Variants in MACC1 observed in about 807,000 individuals in gnomAD.
MACC1 encodes MET transcriptional regulator MACC1, also known as metastasis-associated in colon cancer protein 1.
Under a neutral mutation model 70.7 loss-of-function variants are expected in MACC1, and 79 were observed. The observed-to-expected ratio is 1.12, with a 90% confidence interval of 0.93 to 1.35. The LOEUF (loss-of-function observed/expected upper bound fraction) is 1.35. MACC1 is among the 40% of genes most tolerant of loss of function. The probability of loss-of-function intolerance (pLI) is 0.00; values close to 1 mark genes in which losing one functional copy is unlikely to be tolerated. For missense variants in MACC1, 1,106 were observed against 978.1 expected, an observed-to-expected ratio of 1.13 and a Z score of -1.74; for synonymous variants, 361 against 347.2, an observed-to-expected ratio of 1.04 and a Z score of -0.44.
At chr7:20,184,953 G>A (rs899222090) in intron 1 of MACC1, 2 of 152,008 alleles carry the variant, frequency 1.3e-5, no homozygotes, top group African/African-American at 4.8e-5. Flanking sequence ...ATTATACTAA[G>A]TCTTAGAGAC....
chr7:20,204,647 G>C (rs1782883403), intron 1 of MACC1, among the ~76,000 whole-genome samples: 1 of 152,136 alleles, frequency 6.6e-6, no homozygotes, highest in Admixed American at 6.6e-5. Context: ...GAAAAAGTGA[G>C]TTTATATTTT....
At chr7:20,182,455 C>T (rs1007353281) in intron 1 of MACC1, among the ~76,000 whole-genome samples, 1 of 152,152 alleles carries the variant, frequency 6.6e-6, no homozygotes, top group African/African-American at 2.4e-5. Flanking sequence ...CCATGAATGC[C>T]TCCTGATTCC....
chr7:20,190,641 G>A (rs1269910213), intron 1 of MACC1, among the ~76,000 whole-genome samples: 1 of 152,098 alleles, frequency 6.6e-6, no homozygotes, highest in Non-Finnish European at 1.5e-5. Flanking sequence ...CTTTAAAATG[G>A]CAACAAAGCC....
At chr7:20,146,085 C>T (rs1243110416) in intron 6 of MACC1, among the ~76,000 whole-genome samples, 1 of 150,912 alleles carries the variant, frequency 6.6e-6, no homozygotes, top group African/African-American at 2.4e-5. Context: ...CGCTTGAACC[C>T]AGGTGGCAGA....
rs961223756 is a variant in MACC1, at chr7:20,137,375, T to C, written c.*3571A>G. 4 of 152,214 alleles carry C rather than the reference T, an allele frequency of 2.6e-5. No individual in the cohort carries two copies. The East Asian group carries it at 7.7e-4, about 29-fold the overall frequency. 9.4% of individuals were successfully genotyped at this position (152,214 alleles called of 1,614,324 possible). ...TGTTCTACATTACAGGCCATGAAAA[T>C]GTGCTGTATCCATTTATTAGTATGA... On this transcript the variant is annotated 3_prime_UTR_variant, in exon 7 of 7. Transcript: ENST00000400331.
At position 20,139,826 on chromosome 7, in the gene MACC1, AC is replaced by A. The variant is rs1200325449; in HGVS notation, c.*1119del. The stretch of plus-strand genomic sequence containing the variant: ...GCTGTGCTTTATAAAACACTGTGGT[AC>A]ACACACACACACACACACACACACA... On this transcript the variant is annotated 3_prime_UTR_variant, in exon 7 of 7. Transcript: ENST00000400331. The A allele has an allele frequency of 1.4e-3, 19 of 13,398 alleles. No individual in the cohort carries two copies. The highest frequency in any genetic ancestry group is 2.8e-3 in the Non-Finnish European group (19 of 6,786). The allele number at this position is 13,398 out of a possible 1,614,324, so 0.8% of individuals were successfully genotyped here.
In MACC1 at chr7:20,138,608, T is replaced by A. The variant is rs1781751718; in HGVS notation, c.*2338A>T. The A allele has an allele frequency of 6.6e-6, 1 of 152,188 alleles. No homozygotes were observed. The highest frequency in any genetic ancestry group is 2.4e-5 in the African/African-American group (1 of 41,454). 9.4% of individuals were successfully genotyped at this position (152,188 alleles called of 1,614,324 possible). On this transcript the variant is annotated 3_prime_UTR_variant, in exon 7 of 7. Transcript: ENST00000400331. ...AATTAAAATAAATTCTGTCCTTGAA[T>A]GTGTATACATAATTATTTGGTCAGG...
chr7:20,179,844 C>A (rs1201336236), intron 1 of MACC1, among the ~76,000 whole-genome samples: 1 of 152,168 alleles, frequency 6.6e-6, no homozygotes, highest in Non-Finnish European at 1.5e-5. Context: ...AAATTCAGCT[C>A]CCACTCTTGC....
rs1201303087 is a variant in MACC1, at chr7:20,135,568, T to C, written c.*5378A>G. The C allele has an allele frequency of 6.6e-6, 1 of 152,174 alleles. No homozygotes were observed. The highest frequency in any genetic ancestry group is 1.5e-5 in the Non-Finnish European group (1 of 68,044). 9.4% of individuals were successfully genotyped at this position (152,174 alleles called of 1,614,324 possible). ...GCATCACCTGGGAAGTGATTAGAAATGCAAGTGATCAGGCCAGACCCTCTG... is the reference window on the plus strand; with the variant it reads ...GCATCACCTGGGAAGTGATTAGAAACGCAAGTGATCAGGCCAGACCCTCTG... On this transcript the variant is annotated 3_prime_UTR_variant, in exon 7 of 7. Coordinates refer to ENST00000400331, the MANE Select transcript of MACC1 (RefSeq NM_182762.4).
In MACC1 at chr7:20,158,543, A is replaced by C. The variant is rs375556535; in HGVS notation, c.1818T>G (p.Ile606Met). 13 of 1,614,008 alleles carry C rather than the reference A, an allele frequency of 8.1e-6. No individual in the cohort carries two copies. The African/African-American group carries it at 1.7e-4, about 22-fold the overall frequency. ...EWYVGVLRGK[I>M]GLVHCKNVKV... ...TGACATTTTTGCAGTGTACAAGTCC[A>C]ATCTTACCTCTGAGGACTCCTACAT... The change falls in exon 5 of 7, where the codon ATT becomes ATG. Residue 606 changes from isoleucine (I) to methionine (M), a missense_variant. Coordinates refer to ENST00000400331, the MANE Select transcript of MACC1 (RefSeq NM_182762.4).
At chr7:20,150,637 T>A (rs1562582356) in intron 6 of MACC1, 2 of 152,244 alleles carry the variant, frequency 1.3e-5, no homozygotes, top group Non-Finnish European at 2.9e-5. Flanking sequence ...GAACATTGAC[T>A]TCGCTGGCTT....
At chr7:20,154,426 G>C in intron 5 of MACC1, 45 bp from the exon 6 acceptor site, 1 of 1,559,134 alleles carries the variant, frequency 6.4e-7, no homozygotes, top group Non-Finnish European at 8.7e-7. Flanking sequence ...ACTAACTTGG[G>C]CTTTTCTCTC....
chr7:20,216,809 T>C (rs1196025961), intron 1 of MACC1, among the ~76,000 whole-genome samples: 1 of 152,196 alleles, frequency 6.6e-6, no homozygotes, highest in Non-Finnish European at 1.5e-5. Context: ...CACACACACT[T>C]TACAGATGAG....
intron 1 of MACC1, among the ~76,000 whole-genome samples, chr7:20,193,496 C>A (rs904229080): frequency 6.6e-6 from 1 of 152,148 alleles, no homozygotes; most frequent in Non-Finnish European, 1.5e-5. Flanking sequence ...CACAACTTTG[C>A]TCTTAGTGTT....
chr7:20,160,667 T>C (rs1782128164), intron 4 of MACC1, among the ~76,000 whole-genome samples: 1 of 152,154 alleles, frequency 6.6e-6, no homozygotes, highest in South Asian at 2.1e-4. Context: ...CATATTTTTC[T>C]AAGCACTGAA....
chr7:20,165,921 A>G (rs894676713), intron 2 of MACC1, among the ~76,000 whole-genome samples: 1 of 152,212 alleles, frequency 6.6e-6, no homozygotes, highest in Admixed American at 6.5e-5. Context: ...AGCAACTAGA[A>G]ACATTTACCA....
At chr7:20,164,442 G>C (rs991391035) in intron 2 of MACC1, 43 bp from the exon 3 acceptor site, 7 of 151,882 alleles carry the variant, frequency 4.6e-5, no homozygotes, top group African/African-American at 1.7e-4. Flanking sequence ...TGGAAAACAG[G>C]GAAAAGGAAT....
intron 1 of MACC1, among the ~76,000 whole-genome samples, chr7:20,209,737 G>T (rs1307836713): frequency 2.6e-5 from 4 of 152,140 alleles, no homozygotes; most frequent in Non-Finnish European, 4.4e-5. Flanking sequence ...CATGAGATTT[G>T]GGGCAGGGGT....
chr7:20,210,984 G>A (rs1241807947), intron 1 of MACC1, among the ~76,000 whole-genome samples: 1 of 152,078 alleles, frequency 6.6e-6, no homozygotes, highest in Non-Finnish European at 1.5e-5. Context: ...ATTCTTCTCA[G>A]TACAAATATA....
Sources: allele counts gnomAD v4.1 joint callset (sites outside exome capture counted in the v4.1 genomes callset), GRCh38; gene constraint gnomAD v4.1.1; transcripts MANE v1.5; gene names NCBI Gene and HGNC (gene_info 2026-07-23, HGNC 2026-07-21).